TRMT11: variants seen among roughly 807,000 people sequenced by gnomAD.
TRMT11 encodes tRNA (guanine(10)-N(2))-methyltransferase TRMT11.
TRMT11 carries 53 observed loss-of-function variants against 62.8 expected under a neutral mutation model. The ratio of observed to expected loss-of-function variants is 0.84; its 90% CI spans 0.68 to 1.06. The LOEUF (loss-of-function observed/expected upper bound fraction) is 1.06, where lower values mean the gene tolerates loss of function less well. Ranked by LOEUF, TRMT11 falls within the 50% of genes least tolerant of loss-of-function variation. TRMT11 has a pLI of 0.00. For missense variants in TRMT11, 556 were observed against 553.4 expected, an observed-to-expected ratio of 1.00 and a Z score of -0.05; for synonymous variants, 188 against 190.3, an observed-to-expected ratio of 0.99 and a Z score of 0.10.
At chr6:126,071,185 G>C (rs1258081821) in intron 17 of TRMT11, among the ~76,000 whole-genome samples, 1 of 152,092 alleles carries the variant, frequency 6.6e-6, no homozygotes, top group Non-Finnish European at 1.5e-5. Flanking sequence ...GTGAAAACTG[G>C]TTATCATTAA....
intron 17 of TRMT11, among the ~76,000 whole-genome samples, chr6:126,065,771 T>C (rs1023023223): frequency 1.3e-5 from 2 of 152,248 alleles, no homozygotes; most frequent in African/African-American, 4.8e-5. Context: ...CTGTATACTC[T>C]TGGGCAAGTT....
At chr6:126,229,871 G>A in the TRMT11 span, among the ~76,000 whole-genome samples, 7 of 152,100 alleles carry the variant, frequency 4.6e-5, no homozygotes, top group South Asian at 2.1e-4. Flanking sequence ...TCTTAAAAGC[G>A]TTGTTTTTTT....
chr6:125,999,676 T>TGGG lies in TRMT11; in HGVS notation c.679+65_679+66insGGG, dbSNP rs1792160289. 16 of 1,433,606 alleles carry TGGG rather than the reference T, an allele frequency of 1.1e-5. 1 individual carries two copies. The South Asian group carries it at 2.1e-4, about 18-fold the overall frequency. 88.8% of individuals were successfully genotyped at this position (1,433,606 alleles called of 1,614,324 possible). Reference sequence around the variant, plus strand: ...TGCTTATTTATATTAATGAAGGTCATGGTAATATTTTTGCTAAAAGAGTAA... The same window carrying TGGG: ...TGCTTATTTATATTAATGAAGGTCATGGGGGTAATATTTTTGCTAAAAGAGTAA... On this transcript the variant is annotated intron_variant, in intron 7 of 12. Transcript: ENST00000334379.
the TRMT11 span, among the ~76,000 whole-genome samples, chr6:126,259,155 CA>C: frequency 6.6e-6 from 1 of 152,164 alleles, no homozygotes; most frequent in African/African-American, 2.4e-5. Context: ...GACATGATCT[CA>C]TTTTTTTTAT....
At chr6:126,177,761 C>T (rs1291175386) in intron 1 of TRMT11, among the ~76,000 whole-genome samples, 1 of 151,988 alleles carries the variant, frequency 6.6e-6, no homozygotes, top group African/African-American at 2.4e-5. Flanking sequence ...CTTTGCTTTC[C>T]TAAATGAAAA....
At chr6:126,225,976 G>GC in the TRMT11 span, among the ~76,000 whole-genome samples, 152,278 of 152,278 alleles carry the variant, frequency 1, 76,139 homozygotes, top group Non-Finnish European at 1. Flanking sequence ...ACAGGCGTGA[G>GC]TACCGCGCCT....
chr6:126,240,370 C>T, the TRMT11 span, among the ~76,000 whole-genome samples: 6 of 152,094 alleles, frequency 3.9e-5, no homozygotes, highest in South Asian at 2.1e-4. Flanking sequence ...ATGATAGTGA[C>T]GTACAGATGG....
the TRMT11 span, among the ~76,000 whole-genome samples, chr6:126,266,744 C>A: frequency 1.3e-5 from 2 of 152,158 alleles, no homozygotes; most frequent in Non-Finnish European, 2.9e-5. Flanking sequence ...CCATAATAAT[C>A]AACTGTTTCC....
intron 3 of TRMT11, among the ~76,000 whole-genome samples, chr6:125,997,103 C>T (rs138493244): frequency 1.1e-4 from 16 of 152,240 alleles, no homozygotes; most frequent in African/African-American, 3.6e-4. Context: ...TGATTAATGG[C>T]ACAATTAACA....
chr6:126,098,318 C>T (rs1031495941), intron 17 of TRMT11, among the ~76,000 whole-genome samples: 8 of 152,188 alleles, frequency 5.3e-5, no homozygotes, highest in African/African-American at 1.7e-4. Flanking sequence ...CTCTTCCACT[C>T]TCCTTAGAAT....
chr6:125,994,292 T>C (rs1342969459), intron 2 of TRMT11, among the ~76,000 whole-genome samples: 1 of 152,126 alleles, frequency 6.6e-6, no homozygotes, highest in Non-Finnish European at 1.5e-5. Flanking sequence ...GACTTATAAT[T>C]TGGGGATGCT....
chr6:126,190,945 T>C (rs1311822985), intron 1 of TRMT11, among the ~76,000 whole-genome samples: 2 of 152,166 alleles, frequency 1.3e-5, no homozygotes, highest in Non-Finnish European at 2.9e-5. Flanking sequence ...TTCCTTTCTT[T>C]TGAATATATA....
At position 125,999,611 on chromosome 6, in the gene TRMT11, C is replaced by T. The variant is rs1331877262; in HGVS notation, c.677C>T (p.Thr226Ile). The change falls in exon 7 of 13, where the codon ACA becomes ATA. Residue 226 changes from threonine (T) to isoleucine (I), a missense_variant and splice_region_variant. Transcript: ENST00000334379. ...ATTGTCTTTGATCCATTTGTTGGAACAGGTATTTTTATTTAACTTTTAAGC... is the reference window on the plus strand; with the variant it reads ...ATTGTCTTTGATCCATTTGTTGGAATAGGTATTTTTATTTAACTTTTAAGC... ...NDIVFDPFVG[T>I]GGLLIACAHF... The T allele has an allele frequency of 8.7e-6, 14 of 1,606,162 alleles. No individual in the cohort carries two copies. The highest frequency in any genetic ancestry group is 1.0e-5 in the Non-Finnish European group (12 of 1,176,182).
intron 17 of TRMT11, among the ~76,000 whole-genome samples, chr6:126,091,345 T>C (rs962459082): frequency 8.5e-5 from 13 of 152,228 alleles, no homozygotes; most frequent in African/African-American, 3.1e-4. Flanking sequence ...TCACCGACTT[T>C]TCGCCACTCA....
chr6:126,196,279 T>C (rs1310591045), intron 1 of TRMT11, among the ~76,000 whole-genome samples: 1 of 152,194 alleles, frequency 6.6e-6, no homozygotes, highest in Non-Finnish European at 1.5e-5. Flanking sequence ...ACAAGGAGGT[T>C]GTGGCAGTTC....
intron 21 of TRMT11, among the ~76,000 whole-genome samples, chr6:126,158,254 T>C (rs1182135752): frequency 6.6e-6 from 1 of 152,216 alleles, no homozygotes; most frequent in East Asian, 1.9e-4. Flanking sequence ...CTCAATCTTT[T>C]CCCTGTGCTT....
intron 21 of TRMT11, among the ~76,000 whole-genome samples, chr6:126,160,463 A>G (rs967572751): frequency 7.9e-5 from 12 of 152,022 alleles, no homozygotes; most frequent in Non-Finnish European, 1.5e-4. Context: ...GCTCAAGTCC[A>G]TGGAGACTAG....
At chr6:126,007,184 AT>A (rs1341424859) in intron 7 of TRMT11, among the ~76,000 whole-genome samples, 2 of 151,902 alleles carry the variant, frequency 1.3e-5, no homozygotes, top group Non-Finnish European at 2.9e-5. Context: ...TTAGTCTTTC[AT>A]TTCTCTTCTT....
chr6:126,196,437 C>T (rs965745987), intron 1 of TRMT11, among the ~76,000 whole-genome samples: 1 of 151,856 alleles, frequency 6.6e-6, no homozygotes, highest in African/African-American at 2.4e-5. Flanking sequence ...AAAATCAATC[C>T]CTCATCTATC....
Sources: gnomAD v4.1 joint callset for allele counts (sites outside exome capture counted in the v4.1 genomes callset) on GRCh38, gnomAD v4.1.1 for gene constraint, MANE v1.5 for transcripts, NCBI Gene and HGNC (gene_info 2026-07-23, HGNC 2026-07-21) for gene names.